CLDN14: variants seen among roughly 807,000 people sequenced by gnomAD.
CLDN14 encodes claudin-14.
In CLDN14, 2 loss-of-function variants were observed where a neutral mutation model predicts 2.1. The observed-to-expected ratio is 0.96, with a 90% CI of 0.39 to 3.01. CLDN14 has a LOEUF of 3.01. Among genes scored for constraint, CLDN14 ranks in the 30% most tolerant of loss-of-function variants. The pLI is 0.09. For synonymous variants in CLDN14, 136 were observed against 154.4 expected, an observed-to-expected ratio of 0.88 and a Z score of 0.88; for missense variants, 298 against 328.0, an observed-to-expected ratio of 0.91 and a Z score of 0.71.
chr21:36,563,684 A>C lies in CLDN14; in HGVS notation c.-220+12727T>G, dbSNP rs960883082. Among the ~76,000 whole-genome samples, 3 of 152,140 alleles carry C rather than the reference A, an allele frequency of 2.0e-5. No homozygotes were observed. The East Asian group carries it at 5.8e-4, about 29-fold the overall frequency. On this transcript the variant is annotated intron_variant, in intron 1 of 2. Transcript: ENST00000342108. ...TATTAGAAAATGTTGGCTCCCATGG[A>C]GGTTCGGAGACTGTGGGAAGAGACC...
chr21:36,530,769 C>T (rs984911538), intron 1 of CLDN14, among the ~76,000 whole-genome samples: 25 of 151,994 alleles, frequency 1.6e-4, no homozygotes, highest in African/African-American at 4.8e-4. Context: ...TCAGATGTAC[C>T]CGGGGGAGTT....
At chr21:36,539,524 A>G (rs1229978888) in intron 1 of CLDN14, among the ~76,000 whole-genome samples, 3 of 131,722 alleles carry the variant, frequency 2.3e-5, no homozygotes, top group Non-Finnish European at 4.7e-5. Context: ...GTGTATGCAG[A>G]GTGAGTGTAT....
At chr21:36,527,381 T>A (rs930895596) in intron 1 of CLDN14, among the ~76,000 whole-genome samples, 4 of 152,264 alleles carry the variant, frequency 2.6e-5, no homozygotes, top group African/African-American at 9.6e-5. Flanking sequence ...ATATGCCTTG[T>A]GTAGCTGCGT....
At chr21:36,510,176 C>G (rs2087172764) in intron 2 of CLDN14, among the ~76,000 whole-genome samples, 1 of 152,240 alleles carries the variant, frequency 6.6e-6, no homozygotes, top group Non-Finnish European at 1.5e-5. Context: ...ATTCTTCCAC[C>G]CGCCAGACTG....
chr21:36,537,651 C>CTTTTT lies in CLDN14; in HGVS notation c.-219-27152_-219-27151insAAAAA, dbSNP rs371651908. 2.6e-4 allele frequency among the ~76,000 whole-genome samples: 38 copies of CTTTTT among 143,600 alleles called. 5 individuals are homozygous for CTTTTT. The highest frequency in any genetic ancestry group is 3.5e-4 in the Non-Finnish European group (23 of 65,700). The allele number at this position is 143,600 out of a possible 152,430, so 94.2% of individuals were successfully genotyped here. On this transcript the variant is annotated intron_variant, in intron 1 of 2. Transcript: ENST00000342108. ...CTTCTTTTTTCTTTGTTTTTCTTTT[C>CTTTTT]TTTTCTTTTTTTTTTTGAGACGGAG...
chr21:36,556,490 A>C (rs1245888059), intron 1 of CLDN14, among the ~76,000 whole-genome samples: 1 of 152,136 alleles, frequency 6.6e-6, no homozygotes, highest in African/African-American at 2.4e-5. Context: ...TTTGGGGTGG[A>C]GGTCTGGCTC....
chr21:36,553,670 TTC>T (rs1448032115), intron 1 of CLDN14, among the ~76,000 whole-genome samples: 1 of 151,942 alleles, frequency 6.6e-6, no homozygotes, highest in Non-Finnish European at 1.5e-5. Flanking sequence ...ACAGCTAAAC[TTC>T]TGACATTGGC....
chr21:36,494,953 C>T (rs1457932013), intron 2 of CLDN14, among the ~76,000 whole-genome samples: 7 of 152,184 alleles, frequency 4.6e-5, no homozygotes, highest in African/African-American at 1.7e-4. Context: ...ACACAGGAGG[C>T]CTGGATGTTC....
chr21:36,571,807 T>C (rs1179923691), intron 1 of CLDN14, among the ~76,000 whole-genome samples: 1 of 152,154 alleles, frequency 6.6e-6, no homozygotes, highest in East Asian at 1.9e-4. Context: ...GTAAGTGACA[T>C]TTTCTTGGAA....
At chr21:36,490,910 A>C (rs2086956678) in intron 2 of CLDN14, among the ~76,000 whole-genome samples, 1 of 151,878 alleles carries the variant, frequency 6.6e-6, no homozygotes, top group African/African-American at 2.4e-5. Flanking sequence ...CAACGTGCAC[A>C]TATGCCAACA....
upstream of CLDN14, among the ~76,000 whole-genome samples, chr21:36,482,191 G>A (rs1190751584): frequency 6.6e-6 from 1 of 152,192 alleles, no homozygotes; most frequent in Admixed American, 6.5e-5. Context: ...AACTTCGAAT[G>A]CCAATCAGGG....
chr21:36,554,116 C>G (rs867044733), intron 1 of CLDN14, among the ~76,000 whole-genome samples: 1 of 152,106 alleles, frequency 6.6e-6, no homozygotes, highest in African/African-American at 2.4e-5. Context: ...AGTAAGCCAC[C>G]CTTTACTGAC....
At chr21:36,509,742 C>T (rs1465283910) in intron 2 of CLDN14, among the ~76,000 whole-genome samples, 1 of 152,120 alleles carries the variant, frequency 6.6e-6, no homozygotes, top group Non-Finnish European at 1.5e-5. Flanking sequence ...ACTACAGGCA[C>T]ACGCCACCAC....
At chr21:36,553,499 C>G (rs1435616393) in intron 1 of CLDN14, among the ~76,000 whole-genome samples, 1 of 151,994 alleles carries the variant, frequency 6.6e-6, no homozygotes, top group Non-Finnish European at 1.5e-5. Flanking sequence ...TAGAAATGGC[C>G]AACACCAGCA....
intron 2 of CLDN14, among the ~76,000 whole-genome samples, chr21:36,501,031 G>T (rs1010485617): frequency 6.6e-6 from 1 of 152,220 alleles, no homozygotes; most frequent in Non-Finnish European, 1.5e-5. Context: ...TAACACCCGG[G>T]GGGTGCGGCT....
chr21:36,503,964 G>T (rs2087110069), intron 2 of CLDN14, among the ~76,000 whole-genome samples: 1 of 150,148 alleles, frequency 6.7e-6, no homozygotes, highest in Non-Finnish European at 1.5e-5. Context: ...GCCATCAATT[G>T]TAAGATGTAG....
intron 1 of CLDN14, among the ~76,000 whole-genome samples, chr21:36,532,949 T>C (rs912108677): frequency 2.6e-5 from 4 of 152,200 alleles, no homozygotes; most frequent in Admixed American, 2.6e-4. Context: ...TATCATGGGC[T>C]ATCTAACCCT....
chr21:36,506,372 G>A (rs905234018), intron 2 of CLDN14, among the ~76,000 whole-genome samples: 8 of 152,158 alleles, frequency 5.3e-5, no homozygotes, highest in African/African-American at 1.9e-4. Context: ...CAAGGCAGGT[G>A]GATCACCTGA....
intron 1 of CLDN14, among the ~76,000 whole-genome samples, chr21:36,523,675 G>A (rs1292936472): frequency 6.6e-6 from 1 of 150,718 alleles, no homozygotes; most frequent in Non-Finnish European, 1.5e-5. Context: ...TTGGACCCGG[G>A]AGGTGGAGGT....
Sources: allele counts gnomAD v4.1 joint callset (sites outside exome capture counted in the v4.1 genomes callset), GRCh38; gene constraint gnomAD v4.1.1; transcripts MANE v1.5; gene names NCBI Gene and HGNC (gene_info 2026-07-23, HGNC 2026-07-21).